SPIRE1: variants seen among roughly 807,000 people sequenced by gnomAD.
SPIRE1 encodes the protein spire type actin nucleation factor 1.
In SPIRE1, 40 loss-of-function variants were observed where a neutral mutation model predicts 94.1. That is an observed-to-expected ratio of 0.43 (90% CI 0.33 to 0.55). SPIRE1 has a LOEUF of 0.55. Among genes scored for constraint, SPIRE1 ranks in the 20% least tolerant of loss-of-function variants. SPIRE1 has a pLI of 0.06. For missense variants in SPIRE1, 838 were observed against 975.2 expected (o/e 0.86, Z 1.87); for synonymous variants, 376 against 371.7 (o/e 1.01, Z -0.13).
chr18:12,459,755 C>T (rs2031693041), intron 12 of SPIRE1: 1 of 985,882 alleles, frequency 1.0e-6, no homozygotes, highest in South Asian at 4.7e-5. Context: ...AGAGGCCAAC[C>T]TTTGAGGATT....
chr18:12,658,128 C>CCCGCCTCGCT (rs1394037222), upstream of SPIRE1: 1 of 965,130 alleles, frequency 1.0e-6, no homozygotes, highest in African/African-American at 1.8e-5. Flanking sequence ...CCCGCCCCGC[C>CCCGCCTCGCT]CCGCCTCGCG....
intron 2 of SPIRE1, among the ~76,000 whole-genome samples, chr18:12,593,189 A>G (rs993099092): frequency 3.9e-5 from 6 of 152,258 alleles, no homozygotes; most frequent in African/African-American, 1.4e-4. Flanking sequence ...GGCTTAAAAT[A>G]TAAATTAAAA....
chr18:12,452,242 G>C lies in SPIRE1; in HGVS notation c.2012+13C>G, dbSNP rs368192837. 9.9e-6 allele frequency: 16 copies of C among 1,613,162 alleles called. No individual in the cohort carries two copies. In the African/African-American group the frequency reaches 2.1e-4, roughly 22 times the overall value. ...TGCAAAGGATGGTTTGACAACCCAG[G>C]CCCCTTGCTCACCTGGCAATGCTCC... On this transcript the variant is annotated intron_variant, in intron 16 of 16. Transcript: ENST00000409402.
intron 2 of SPIRE1, among the ~76,000 whole-genome samples, chr18:12,626,696 GAGAT>G (rs35880170): frequency 0.39 from 58,628 of 151,370 alleles, 11,980 homozygotes; most frequent in East Asian, 0.59. Flanking sequence ...GAAAAGTAAA[GAGAT>G]AAAGTGGTTC....
At chr18:12,456,139 A>G (rs1464045392) in intron 12 of SPIRE1, among the ~76,000 whole-genome samples, 3 of 152,244 alleles carry the variant, frequency 2.0e-5, no homozygotes, top group South Asian at 2.1e-4. Flanking sequence ...CAGAAAGATT[A>G]TATCATTTGC....
intron 11 of SPIRE1, among the ~76,000 whole-genome samples, chr18:12,464,376 T>C (rs1187465940): frequency 6.6e-6 from 1 of 152,214 alleles, no homozygotes; most frequent in Non-Finnish European, 1.5e-5. Context: ...CTTCATAATG[T>C]TCTTATAAAT....
chr18:12,567,589 C>T (rs1437920714), intron 2 of SPIRE1, among the ~76,000 whole-genome samples: 1 of 152,080 alleles, frequency 6.6e-6, no homozygotes, highest in African/African-American at 2.4e-5. Flanking sequence ...TCCAGCTGTC[C>T]CTAAGAGGTC....
chr18:12,483,695 CATT>C (rs1440118942), intron 9 of SPIRE1, among the ~76,000 whole-genome samples: 3 of 152,130 alleles, frequency 2.0e-5, no homozygotes, highest in East Asian at 3.8e-4. Context: ...GAATATTCAT[CATT>C]ATCTTGTACT....
chr18:12,555,714 T>C (rs1234251712), intron 2 of SPIRE1, among the ~76,000 whole-genome samples: 4 of 152,194 alleles, frequency 2.6e-5, no homozygotes, highest in Admixed American at 2.0e-4. Flanking sequence ...GCTAGTATCA[T>C]ACTGAGTAGG....
At chr18:12,600,445 G>T (rs144619566) in intron 2 of SPIRE1, among the ~76,000 whole-genome samples, 6 of 152,264 alleles carry the variant, frequency 3.9e-5, no homozygotes, top group African/African-American at 1.4e-4. Flanking sequence ...GAAATCAACA[G>T]GTATTTAACA....
chr18:12,614,775 G>A (rs1282240969), intron 2 of SPIRE1, among the ~76,000 whole-genome samples: 1 of 151,748 alleles, frequency 6.6e-6, no homozygotes, highest in East Asian at 1.9e-4. Context: ...CTGAGATCGC[G>A]CCACTGCACT....
chr18:12,624,165 G>A (rs866621320), intron 2 of SPIRE1, among the ~76,000 whole-genome samples: 15 of 151,692 alleles, frequency 9.9e-5, no homozygotes, highest in Admixed American at 5.3e-4. Context: ...CAGGTGATCC[G>A]CCCGCCTCGG....
intron 2 of SPIRE1, among the ~76,000 whole-genome samples, chr18:12,588,119 C>A (rs1265923031): frequency 6.6e-6 from 1 of 152,154 alleles, no homozygotes; most frequent in Non-Finnish European, 1.5e-5. Context: ...GCTTCTACAA[C>A]TTAGCATGTT....
chr18:12,577,769 T>C (rs1210324023), intron 2 of SPIRE1, among the ~76,000 whole-genome samples: 1 of 152,136 alleles, frequency 6.6e-6, no homozygotes, highest in Non-Finnish European at 1.5e-5. Context: ...AAAAGACAAG[T>C]CCCATGCTGG....
chr18:12,453,730 G>C (rs558493803), intron 13 of SPIRE1, among the ~76,000 whole-genome samples: 5 of 151,868 alleles, frequency 3.3e-5, no homozygotes, highest in African/African-American at 7.3e-5. Context: ...CACTGCACCC[G>C]GCCTTCTCAG....
At chr18:12,485,103 ACT>A (rs1309994147) in intron 9 of SPIRE1, among the ~76,000 whole-genome samples, 1 of 126,528 alleles carries the variant, frequency 7.9e-6, no homozygotes, top group African/African-American at 2.6e-5. Flanking sequence ...GTATTTTTAT[ACT>A]CTTTTTTTTT....
chr18:12,515,983 G>A (rs1032680808), intron 4 of SPIRE1: 10 of 151,944 alleles, frequency 6.6e-5, no homozygotes, highest in African/African-American at 2.4e-4. Flanking sequence ...TTACCCCTAG[G>A]AGTCTCCCAG....
intron 10 of SPIRE1, among the ~76,000 whole-genome samples, chr18:12,478,401 T>C (rs1018007947): frequency 6.7e-6 from 1 of 148,658 alleles, no homozygotes; most frequent in African/African-American, 2.5e-5. Context: ...CATGTGCGCG[T>C]GTAGCTAGGG....
chr18:12,474,422 T>C (rs1303324795), intron 10 of SPIRE1, among the ~76,000 whole-genome samples: 1 of 140,990 alleles, frequency 7.1e-6, no homozygotes, highest in Non-Finnish European at 1.6e-5. Flanking sequence ...ATGGGAAGGG[T>C]GGGTGGTGGT....
Sources: allele counts gnomAD v4.1 joint callset (sites outside exome capture counted in the v4.1 genomes callset), GRCh38; gene constraint gnomAD v4.1.1; transcripts MANE v1.5; gene names NCBI Gene and HGNC (gene_info 2026-07-23, HGNC 2026-07-21).